Variants in KCNIP4 observed in about 807,000 individuals in gnomAD.
The protein encoded by KCNIP4 is potassium voltage-gated channel interacting protein 4.
In KCNIP4, 12 loss-of-function variants were observed where a neutral mutation model predicts 34.0. The ratio of observed to expected loss-of-function variants is 0.35; its 90% CI spans 0.23 to 0.57. The LOEUF (loss-of-function observed/expected upper bound fraction) is 0.57, where lower values mean the gene tolerates loss of function less well. Ranked by LOEUF, KCNIP4 falls within the 20% of genes least tolerant of loss-of-function variation. The pLI is 0.83. For missense variants in KCNIP4, 238 were observed against 311.7 expected (o/e 0.76, Z 1.78); for synonymous variants, 124 against 102.2 (o/e 1.21, Z -1.29).
intron 1 of KCNIP4, among the ~76,000 whole-genome samples, chr4:21,935,387 T>C (rs1481480284): frequency 4.6e-5 from 7 of 152,004 alleles, no homozygotes; most frequent in Non-Finnish European, 8.8e-5. Flanking sequence ...CTACATAAAA[T>C]CCACGTTTCT....
intron 3 of KCNIP4, among the ~76,000 whole-genome samples, chr4:20,826,589 AAAACAAACAAAC>A (rs10687574): frequency 9.9e-5 from 15 of 150,838 alleles, no homozygotes; most frequent in African/African-American, 2.5e-4. Context: ...ACCTTGTCTC[AAAACAAACAAAC>A]AAACAAACAA....
chr4:21,923,473 T>C (rs376682957), intron 1 of KCNIP4, among the ~76,000 whole-genome samples: 10 of 151,954 alleles, frequency 6.6e-5, no homozygotes, highest in Non-Finnish European at 1.2e-4. Context: ...CCCAGCTACT[T>C]TGGAGGCTGA....
chr4:21,564,488 T>A (rs1302143186), intron 1 of KCNIP4, among the ~76,000 whole-genome samples: 1 of 152,146 alleles, frequency 6.6e-6, no homozygotes, highest in Non-Finnish European at 1.5e-5. Flanking sequence ...ACCTTCTATT[T>A]GCTCTTTACA....
At chr4:21,331,024 T>G (rs369379838) in intron 1 of KCNIP4, among the ~76,000 whole-genome samples, 1 of 152,192 alleles carries the variant, frequency 6.6e-6, no homozygotes, top group Admixed American at 6.5e-5. Flanking sequence ...TGTCCTACTC[T>G]TCTATTGACT....
chr4:21,834,583 T>C (rs1405868938), intron 1 of KCNIP4, among the ~76,000 whole-genome samples: 1 of 152,174 alleles, frequency 6.6e-6, no homozygotes, highest in African/African-American at 2.4e-5. Flanking sequence ...ATACCCTTTA[T>C]TTCCTTCTCT....
rs148988914 is a variant in KCNIP4, at chr4:21,276,561, T to C, written c.62-393852A>G. On this transcript the variant is annotated intron_variant, in intron 1 of 8. Coordinates refer to ENST00000382152, the MANE Select transcript of KCNIP4 (RefSeq NM_025221.6). ...TTGGATTCTGAGATGGTAATAGTGC[T>C]GACAAGTGCTTTGAGTTTGAAGTTG... 4.1e-3 allele frequency among the ~76,000 whole-genome samples: 627 copies of C among 152,254 alleles called. 4 individuals are homozygous for C. Among genetic ancestry groups the C allele is most frequent in the South Asian group, 0.013 (61 of 4,826 alleles).
chr4:21,106,772 T>C (rs1196990298), intron 1 of KCNIP4, among the ~76,000 whole-genome samples: 2 of 151,576 alleles, frequency 1.3e-5, no homozygotes, highest in Non-Finnish European at 2.9e-5. Flanking sequence ...GCTTTGAATG[T>C]GTCCCAGAGA....
chr4:21,239,272 C>T (rs1759613223), intron 1 of KCNIP4, among the ~76,000 whole-genome samples: 1 of 143,238 alleles, frequency 7.0e-6, no homozygotes, highest in African/African-American at 2.5e-5. Flanking sequence ...CATAAAAACC[C>T]TAGAAGAAAA....
At chr4:20,757,310 A>T (rs1359928898) in intron 4 of KCNIP4, among the ~76,000 whole-genome samples, 1 of 152,166 alleles carries the variant, frequency 6.6e-6, no homozygotes, top group East Asian at 1.9e-4. Flanking sequence ...CTCCTACAGC[A>T]GTAATCTTCT....
chr4:21,401,475 G>T (rs1723554252), intron 1 of KCNIP4, among the ~76,000 whole-genome samples: 1 of 152,162 alleles, frequency 6.6e-6, no homozygotes, highest in Non-Finnish European at 1.5e-5. Flanking sequence ...AGGTGCCACT[G>T]TTCAGAAAAC....
At chr4:21,773,795 T>C (rs1718994404) in intron 1 of KCNIP4, among the ~76,000 whole-genome samples, 1 of 151,438 alleles carries the variant, frequency 6.6e-6, no homozygotes, top group Non-Finnish European at 1.5e-5. Context: ...ATTTGCTTCA[T>C]AAATTTTCCT....
At chr4:20,869,949 T>C (rs1391639735) in intron 2 of KCNIP4, among the ~76,000 whole-genome samples, 1 of 152,084 alleles carries the variant, frequency 6.6e-6, no homozygotes, top group African/African-American at 2.4e-5. Flanking sequence ...TATAAAATGT[T>C]GTCAGGAGGT....
chr4:21,528,784 AAAGGAAGAAAGGAAGAAAGGAAGGAAGG>A lies in KCNIP4; in HGVS notation c.61+419759_61+419786del, dbSNP rs1560490301. 6.2e-3 allele frequency among the ~76,000 whole-genome samples: 105 copies of A among 16,864 alleles called. 20 individuals carry two copies. Among genetic ancestry groups the A allele is most frequent in the African/African-American group, 0.015 (62 of 4,146 alleles). The allele number at this position is 16,864 out of a possible 152,430, so 11.1% of individuals were successfully genotyped here. A position where few individuals can be genotyped will look rare whatever the true frequency, so the allele number is the denominator to read the frequency against. ...GAAAGAAAGAAAGAAAGAAAGGAAG[AAAGGAAGAAAGGAAGAAAGGAAGGAAGG>A]AAGGAAGGAAGGAAGGAAGGAAGGA... is the stretch of plus-strand genomic sequence containing the variant. On this transcript the variant is annotated intron_variant, in intron 1 of 8. Transcript: ENST00000382152.
intron 1 of KCNIP4, among the ~76,000 whole-genome samples, chr4:21,684,803 T>G (rs1431276293): frequency 6.6e-6 from 1 of 152,204 alleles, no homozygotes; most frequent in African/African-American, 2.4e-5. Context: ...TATCTGCTAA[T>G]GCTATCCCTC....
chr4:21,790,382 G>T (rs1365739083), intron 1 of KCNIP4, among the ~76,000 whole-genome samples: 3 of 152,104 alleles, frequency 2.0e-5, no homozygotes, highest in Admixed American at 2.0e-4. Context: ...CACACTCATT[G>T]TATCTTGTGT....
intron 2 of KCNIP4, among the ~76,000 whole-genome samples, chr4:20,865,591 T>C (rs548866298): frequency 3.6e-4 from 55 of 151,968 alleles, no homozygotes; most frequent in African/African-American, 1.2e-3. Context: ...TTATGTTAAG[T>C]GAAATAAGCA....
At chr4:21,325,776 A>G (rs1163751252) in intron 1 of KCNIP4, among the ~76,000 whole-genome samples, 1 of 151,860 alleles carries the variant, frequency 6.6e-6, no homozygotes, top group Non-Finnish European at 1.5e-5. Context: ...TATATCTCAT[A>G]GGTTTTTACA....
chr4:21,303,283 A>G (rs955136695), intron 1 of KCNIP4, among the ~76,000 whole-genome samples: 1 of 152,212 alleles, frequency 6.6e-6, no homozygotes, highest in Non-Finnish European at 1.5e-5. Context: ...CTCTGTTAGC[A>G]TGTAAAATAG....
intron 1 of KCNIP4, among the ~76,000 whole-genome samples, chr4:21,384,703 G>A (rs543589215): frequency 4.9e-4 from 75 of 152,294 alleles, no homozygotes; most frequent in African/African-American, 1.6e-3. Flanking sequence ...TTGCCAACTG[G>A]TATTGTCATT....
Sources: allele counts gnomAD v4.1 joint callset (sites outside exome capture counted in the v4.1 genomes callset), GRCh38; gene constraint gnomAD v4.1.1; transcripts MANE v1.5; gene names NCBI Gene and HGNC (gene_info 2026-07-23, HGNC 2026-07-21).